The following DPYD variants were observed in gnomAD, a reference collection of about 807,000 sequenced individuals.
The protein encoded by DPYD is dihydropyrimidine dehydrogenase, also known as dihydropyrimidine dehydrogenase [NADP(+)].
Under a neutral mutation model 116.2 loss-of-function variants are expected in DPYD, and 109 were observed. That is an observed-to-expected ratio of 0.94 (90% CI 0.80 to 1.10). The LOEUF is 1.10. Ranked by LOEUF, DPYD falls within the 50% of genes least tolerant of loss-of-function variation. DPYD has a pLI of 0.00. For missense variants in DPYD, 1,302 were observed against 1,254.5 expected (o/e 1.04, Z -0.57); for synonymous variants, 440 against 432.0 (o/e 1.02, Z -0.23).
intron 12 of DPYD, among the ~76,000 whole-genome samples, chr1:97,525,904 GT>G (rs1649042596): frequency 6.7e-6 from 1 of 150,368 alleles, no homozygotes; most frequent in African/African-American, 2.4e-5. Flanking sequence ...GCGTGTGTGT[GT>G]GTGTGTGTTT....
At chr1:97,713,188 C>A (rs1317429458) in intron 5 of DPYD, among the ~76,000 whole-genome samples, 11 of 151,884 alleles carry the variant, frequency 7.2e-5, no homozygotes, top group African/African-American at 2.7e-4. Flanking sequence ...CTTTATACTA[C>A]CCTATATTAT....
chr1:97,594,570 G>A (rs1444207279), intron 9 of DPYD, among the ~76,000 whole-genome samples: 2 of 152,162 alleles, frequency 1.3e-5, no homozygotes, highest in East Asian at 3.9e-4. Context: ...AATGACTCTG[G>A]TCAGGCCAAA....
chr1:97,525,723 T>A (rs1283000278), intron 12 of DPYD, among the ~76,000 whole-genome samples: 2 of 147,738 alleles, frequency 1.4e-5, no homozygotes, highest in Admixed American at 1.4e-4. Context: ...CCAAGAGCCA[T>A]CTAGTGGGAA....
At chr1:97,219,072 G>C (rs147940552) in intron 19 of DPYD, among the ~76,000 whole-genome samples, 1,719 of 152,268 alleles carry the variant, frequency 0.011, 36 homozygotes, top group African/African-American at 0.039. Flanking sequence ...CTTTAAAAAG[G>C]AGAGTGGCCA....
intron 18 of DPYD, among the ~76,000 whole-genome samples, chr1:97,259,056 T>C (rs922690906): frequency 1.3e-5 from 2 of 152,132 alleles, no homozygotes; most frequent in African/African-American, 4.8e-5. Context: ...ATAACAAATT[T>C]GAGTTTGGGT....
At chr1:97,767,563 C>T (rs986693275) in intron 3 of DPYD, among the ~76,000 whole-genome samples, 5 of 152,032 alleles carry the variant, frequency 3.3e-5, no homozygotes, top group South Asian at 4.1e-4. Context: ...GGATGAGAGA[C>T]GACAGGGAGA....
intron 8 of DPYD, among the ~76,000 whole-genome samples, chr1:97,636,218 T>C (rs963201155): frequency 6.6e-6 from 1 of 152,106 alleles, no homozygotes; most frequent in Non-Finnish European, 1.5e-5. Flanking sequence ...AAGCATATAG[T>C]AGTTACTAAG....
In DPYD at chr1:97,477,180, T is replaced by A. The variant is rs369066741; in HGVS notation, c.1741-26957A>T. 9.2e-5 allele frequency among the ~76,000 whole-genome samples: 14 copies of A among 152,324 alleles called. No individual in the cohort carries two copies. In the East Asian group the frequency reaches 2.1e-3, roughly 23 times the overall value. On this transcript the variant is annotated intron_variant, in intron 13 of 22. Transcript: ENST00000370192. ...AACATGCAATGCTATTTGGATAGCATTTTACCCACAGTAGAACTTCAGTCA... is the reference window on the plus strand; with the variant it reads ...AACATGCAATGCTATTTGGATAGCAATTTACCCACAGTAGAACTTCAGTCA...
At chr1:97,336,509 G>A (rs58623258) in intron 16 of DPYD, among the ~76,000 whole-genome samples, 9,757 of 152,250 alleles carry the variant, frequency 0.064, 420 homozygotes, top group African/African-American at 0.12. Context: ...AGCACTTTGG[G>A]AGGCCGAGGT....
chr1:97,439,492 C>T (rs577625129), intron 14 of DPYD, among the ~76,000 whole-genome samples: 10 of 152,266 alleles, frequency 6.6e-5, no homozygotes, highest in African/African-American at 2.4e-4. Flanking sequence ...TTGATTAATT[C>T]ATTTACATAA....
chr1:97,501,845 A>G lies in DPYD; in HGVS notation c.1740+13881T>C, dbSNP rs184529563. Among the ~76,000 whole-genome samples the G allele has an allele frequency of 3.3e-5, 5 of 152,190 alleles. No homozygotes were observed. In the East Asian group the frequency reaches 9.7e-4, roughly 30 times the overall value. ...CACACCTCAGCATTTTAATGTTTACATTAACACTTTACATGAGTTACATGA... is the reference window on the plus strand; with the variant it reads ...CACACCTCAGCATTTTAATGTTTACGTTAACACTTTACATGAGTTACATGA... On this transcript the variant is annotated intron_variant, in intron 13 of 22. Coordinates refer to ENST00000370192, the MANE Select transcript of DPYD (RefSeq NM_000110.4).
intron 14 of DPYD, among the ~76,000 whole-genome samples, chr1:97,395,772 C>A (rs55824522): frequency 0.19 from 29,100 of 151,870 alleles, 2,951 homozygotes; most frequent in South Asian, 0.36. Flanking sequence ...AGAGTTAAAC[C>A]AAGGCTTGAA....
chr1:97,380,359 A>G (rs1399985839), intron 15 of DPYD, among the ~76,000 whole-genome samples: 2 of 152,338 alleles, frequency 1.3e-5, no homozygotes, highest in South Asian at 4.1e-4. Flanking sequence ...AAGAAAACTA[A>G]CTAGATTCTA....
At chr1:97,346,401 T>C (rs1669844150) in intron 16 of DPYD, among the ~76,000 whole-genome samples, 1 of 151,906 alleles carries the variant, frequency 6.6e-6, no homozygotes, top group East Asian at 1.9e-4. Context: ...GAAATGCATA[T>C]ATTCTAAATA....
chr1:97,378,993 A>G (rs1034303855), intron 15 of DPYD, among the ~76,000 whole-genome samples: 8 of 152,248 alleles, frequency 5.3e-5, no homozygotes, highest in Non-Finnish European at 1.2e-4. Flanking sequence ...ACACAGAGTT[A>G]GGTACAGGGA....
Position 97,513,394 on chromosome 1 carries a change from G to A in DPYD, c.1740+2332C>T, listed in dbSNP as rs1055538435. Among the ~76,000 whole-genome samples, 9 of 151,708 alleles carry A rather than the reference G, an allele frequency of 5.9e-5. No homozygotes were observed. The South Asian group carries it at 6.2e-4, about 10-fold the overall frequency. On this transcript the variant is annotated intron_variant, in intron 13 of 22. Transcript: ENST00000370192. ...TTCAGTCAGGGCTCTAATTTTCACCGAACTCCCTTGGTAAGCATTTAATTT... is the reference window on the plus strand; with the variant it reads ...TTCAGTCAGGGCTCTAATTTTCACCAAACTCCCTTGGTAAGCATTTAATTT...
intron 16 of DPYD, among the ~76,000 whole-genome samples, chr1:97,349,146 C>G (rs193044224): frequency 1.3e-4 from 20 of 152,036 alleles, no homozygotes; most frequent in African/African-American, 4.8e-4. Context: ...CTAGAAAGTA[C>G]GAATAATAGT....
At chr1:97,436,216 T>C (rs533588025) in intron 14 of DPYD, among the ~76,000 whole-genome samples, 9 of 152,124 alleles carry the variant, frequency 5.9e-5, no homozygotes, top group African/African-American at 2.2e-4. Context: ...TAGTACCAAA[T>C]TGATACTAAG....
At chr1:97,133,704 A>C (rs1653506166) in intron 20 of DPYD, among the ~76,000 whole-genome samples, 2 of 151,878 alleles carry the variant, frequency 1.3e-5, no homozygotes, top group African/African-American at 4.8e-5. Flanking sequence ...TTTTATTTAA[A>C]ATTATATTGT....
Sources: gnomAD v4.1 joint callset for allele counts (sites outside exome capture counted in the v4.1 genomes callset) on GRCh38, gnomAD v4.1.1 for gene constraint, MANE v1.5 for transcripts, NCBI Gene and HGNC (gene_info 2026-07-23, HGNC 2026-07-21) for gene names.